OPN3: variants seen among roughly 807,000 people sequenced by gnomAD.
OPN3 encodes opsin 3.
A neutral mutation model predicts 33.8 loss-of-function variants in OPN3; 29 were observed. The observed-to-expected ratio is 0.86, with a 90% CI of 0.64 to 1.17. The LOEUF is 1.17. OPN3 is among the 50% of genes most tolerant of loss of function. The probability of loss-of-function intolerance (pLI) is 0.00; values close to 1 mark genes in which losing one functional copy is unlikely to be tolerated. For missense variants in OPN3, 437 were observed against 514.1 expected, an observed-to-expected ratio of 0.85 and a Z score of 1.45; for synonymous variants, 216 against 216.1, an observed-to-expected ratio of 1.00 and a Z score of 0.00.
intron 1 of OPN3, among the ~76,000 whole-genome samples, chr1:241,606,060 T>C (rs1190287363): frequency 3.9e-5 from 6 of 152,140 alleles, no homozygotes; most frequent in African/African-American, 1.4e-4. Flanking sequence ...AAAACACGAT[T>C]GGAGGCCATG....
intron 1 of OPN3, among the ~76,000 whole-genome samples, chr1:241,627,609 CA>C (rs2148017701): frequency 6.6e-6 from 1 of 152,238 alleles, no homozygotes; most frequent in South Asian, 2.1e-4. Flanking sequence ...TTGTTATAGC[CA>C]AATTCTTTCA....
At chr1:241,596,377 G>A (rs1435573415) in intron 3 of OPN3, among the ~76,000 whole-genome samples, 5 of 152,134 alleles carry the variant, frequency 3.3e-5, no homozygotes, top group South Asian at 2.1e-4. Flanking sequence ...GGAATGTTTA[G>A]GTCCTATGGA....
chr1:241,638,134 C>T (rs1444791185), intron 1 of OPN3, among the ~76,000 whole-genome samples: 5 of 152,178 alleles, frequency 3.3e-5, no homozygotes, highest in African/African-American at 7.2e-5. Context: ...AGGGTTTCCA[C>T]CTCTACATTA....
chr1:241,619,309 G>A (rs1333597893), intron 1 of OPN3, among the ~76,000 whole-genome samples: 1 of 152,170 alleles, frequency 6.6e-6, no homozygotes, highest in African/African-American at 2.4e-5. Flanking sequence ...GACACTAAAG[G>A]TAATACTATG....
At chr1:241,614,542 A>C (rs1235795590) in intron 1 of OPN3, among the ~76,000 whole-genome samples, 1 of 152,208 alleles carries the variant, frequency 6.6e-6, no homozygotes, top group East Asian at 1.9e-4. Context: ...CACCATAAGC[A>C]TCTCCTCCTA....
chr1:241,640,079 T>C lies in OPN3; in HGVS notation c.176A>G (p.Asn59Ser), dbSNP rs1335542703. Residue 59 changes from asparagine (N) to serine (S), a missense_variant, in exon 1 of 4, where the codon AAC becomes AGC. Transcript: ENST00000366554. ...GSIGLLGVGNNLLVLVLYYKF... is the reference protein window; with the variant it reads ...GSIGLLGVGNSLLVLVLYYKF... ...GTAGTAGAGGACGAGCACCAGCAGG[T>C]TGTTGCCGACGCCCAGCAGCCCAAT... is the stretch of plus-strand genomic sequence containing the variant. 34 of 1,610,256 alleles carry C rather than the reference T, an allele frequency of 2.1e-5. No individual in the cohort carries two copies. The highest frequency in any genetic ancestry group is 2.7e-5 in the Non-Finnish European group (32 of 1,178,700).
chr1:241,634,975 C>T (rs1462889270), intron 1 of OPN3: 1 of 1,613,546 alleles, frequency 6.2e-7, no homozygotes, highest in Non-Finnish European at 8.5e-7. Context: ...ATGCAAGAAT[C>T]CTAGTGACAT....
At chr1:241,604,209 T>A (rs1463693976) in intron 2 of OPN3, 51 bp downstream of exon 2, 1 of 1,532,686 alleles carries the variant, frequency 6.5e-7, no homozygotes, top group African/African-American at 1.4e-5. Context: ...AGACAAAATT[T>A]TCTACCCTGG....
intron 1 of OPN3, among the ~76,000 whole-genome samples, chr1:241,611,616 T>C (rs954282431): frequency 6.6e-6 from 1 of 151,920 alleles, no homozygotes; most frequent in African/African-American, 2.4e-5. Context: ...ACCATTTAGG[T>C]GCCTGCAAAT....
intron 1 of OPN3, among the ~76,000 whole-genome samples, chr1:241,622,344 A>G (rs949522430): frequency 6.6e-6 from 1 of 152,212 alleles, no homozygotes; most frequent in African/African-American, 2.4e-5. Context: ...AATTCTTGAC[A>G]ATATAATTGT....
In OPN3 at chr1:241,604,308, CA is replaced by C. The variant is rs1558438487; in HGVS notation, c.644del (p.Leu215ArgfsTer4). On this transcript the variant is annotated frameshift_variant, in exon 2 of 4. Transcript: ENST00000366554. LOFTEE classifies it high-confidence loss of function. ...FLFLGCLVVP[L>X]GVIAHCYGHI... The stretch of plus-strand genomic sequence containing the variant: ...GGCCATAGCAATGGGCTATGACACC[CA>C]GGGGCACCACCAGGCAGCCAAGAAA... 2.5e-6 allele frequency: 4 copies of C among 1,614,108 alleles called. No homozygotes were observed. In the South Asian group the frequency reaches 4.4e-5, roughly 18 times the overall value.
intron 1 of OPN3, among the ~76,000 whole-genome samples, chr1:241,625,737 C>T (rs542288128): frequency 1.2e-4 from 18 of 152,262 alleles, no homozygotes; most frequent in Non-Finnish European, 2.2e-4. Flanking sequence ...TGAAGAAGCA[C>T]TGATAGGGGT....
chr1:241,625,758 G>A (rs1003424046), intron 1 of OPN3, among the ~76,000 whole-genome samples: 3 of 152,152 alleles, frequency 2.0e-5, no homozygotes, highest in Admixed American at 6.6e-5. Context: ...CAGAAAACCT[G>A]AGGAAGAAAG....
intron 1 of OPN3, among the ~76,000 whole-genome samples, chr1:241,622,474 T>C (rs1214422640): frequency 6.6e-6 from 1 of 152,238 alleles, no homozygotes; most frequent in Non-Finnish European, 1.5e-5. Flanking sequence ...CTCTTATTTA[T>C]GTCACAATGC....
intron 1 of OPN3, chr1:241,635,384 G>GAC (rs777200578): frequency 6.2e-7 from 1 of 1,614,026 alleles, no homozygotes; most frequent in East Asian, 2.2e-5. Context: ...GAAGGTATTA[G>GAC]ACACCCCCAA....
Position 241,604,375 on chromosome 1 carries a change from T to A in OPN3, c.578A>T (p.Lys193Ile). The A allele has an allele frequency of 6.2e-7, 1 of 1,614,136 alleles. No individual in the cohort carries two copies. Among genetic ancestry groups the A allele is most frequent in the Non-Finnish European group, 8.5e-7 (1 of 1,180,006 alleles). Residue 193 changes from lysine (K) to isoleucine (I), a missense_variant, in exon 2 of 4, where the codon AAA (lysine) becomes ATA (isoleucine). By Grantham distance (102) the Lys-to-Ile change is moderately radical (BLOSUM62 -3). Transcript: ENST00000366554. ...GGAGGAATCGTTGGCATCCTTGGATTTCCAGTCCACAGTGCAGCCTAGTCC... is the reference window on the plus strand; with the variant it reads ...GGAGGAATCGTTGGCATCCTTGGATATCCAGTCCACAGTGCAGCCTAGTCC... ...VHGLGCTVDW[K>I]SKDANDSSFV...
At chr1:241,628,196 G>A (rs574401797) in intron 1 of OPN3, among the ~76,000 whole-genome samples, 1 of 152,220 alleles carries the variant, frequency 6.6e-6, no homozygotes, top group East Asian at 1.9e-4. Context: ...CTTTTGCCAG[G>A]AAACAGGAAG....
At chr1:241,596,823 A>T (rs1446848303) in intron 3 of OPN3, among the ~76,000 whole-genome samples, 1 of 152,132 alleles carries the variant, frequency 6.6e-6, no homozygotes, top group African/African-American at 2.4e-5. Flanking sequence ...ACAGATGATA[A>T]GGAAGTTCCT....
intron 3 of OPN3, among the ~76,000 whole-genome samples, chr1:241,597,081 C>T (rs1275394051): frequency 6.6e-6 from 1 of 152,142 alleles, no homozygotes; most frequent in Non-Finnish European, 1.5e-5. Context: ...CCTTCTGCCT[C>T]AGCATGCCCA....
Sources: gnomAD v4.1 joint callset for allele counts (sites outside exome capture counted in the v4.1 genomes callset) on GRCh38, gnomAD v4.1.1 for gene constraint, MANE v1.5 for transcripts, NCBI Gene and HGNC (gene_info 2026-07-23, HGNC 2026-07-21) for gene names.